LTV1: variants seen among roughly 807,000 people sequenced by gnomAD.
LTV1 encodes protein LTV1 homolog.
Under a neutral mutation model 59.9 loss-of-function variants are expected in LTV1, and 39 were observed. That is an observed-to-expected ratio of 0.65 (90% CI 0.50 to 0.85). LTV1 has a LOEUF of 0.85. LTV1 is among the 40% of genes least tolerant of loss of function. LTV1 has a pLI of 0.00. For missense variants in LTV1, 493 were observed against 549.1 expected, an observed-to-expected ratio of 0.90 and a Z score of 1.02; for synonymous variants, 171 against 189.5, an observed-to-expected ratio of 0.90 and a Z score of 0.80.
At chr6:143,861,134 T>A (rs1475392042) in intron 7 of LTV1, among the ~76,000 whole-genome samples, 28 of 152,168 alleles carry the variant, frequency 1.8e-4, no homozygotes, top group Admixed American at 1.8e-3. Context: ...TGACCTCATG[T>A]AATATGCCTG....
In LTV1 at chr6:143,863,369, C is replaced by G. The variant is rs1388164887; in HGVS notation, c.1318-48C>G. The stretch of plus-strand genomic sequence containing the variant: ...GGAATTTTGTAAAAGCAGTCTGTAT[C>G]AGTTTAAAGATGTGAATAATACAAG... On this transcript the variant is annotated intron_variant, in intron 10 of 10. Coordinates refer to ENST00000367576, the MANE Select transcript of LTV1 (RefSeq NM_032860.5). The surrounding 1 kb of genome is among the most constrained non-coding windows in gnomAD (Gnocchi z 4.5). The G allele has an allele frequency of 3.8e-6, 6 of 1,591,868 alleles. No individual in the cohort carries two copies. Among genetic ancestry groups the G allele is most frequent in the Admixed American group, 1.7e-5 (1 of 59,216 alleles).
In LTV1 at chr6:143,860,538, A is replaced by T. The variant is rs775868074; in HGVS notation, c.908A>T (p.Lys303Ile). ...RLQEVLNDYY[K>I]EKAENCVKLN... ...CAGGAAGTTTTGAATGACTACTATA[A>T]AGAGAAGGCAGAGAAGTATAGTGAC... The change falls in exon 7 of 11, where the codon AAA becomes ATA. Residue 303 changes from lysine (K) to isoleucine (I), a missense_variant. Transcript: ENST00000367576. 4.5e-5 allele frequency: 73 copies of T among 1,612,634 alleles called. No individual in the cohort carries two copies. Among genetic ancestry groups the T allele is most frequent in the South Asian group, 2.6e-4 (24 of 90,668 alleles).
intron 3 of LTV1, among the ~76,000 whole-genome samples, chr6:143,848,468 C>T (rs1776929537): frequency 6.6e-6 from 1 of 152,130 alleles, no homozygotes; most frequent in Non-Finnish European, 1.5e-5. Flanking sequence ...TGTACACTGC[C>T]ATATGTAGCC....
At chr6:143,848,594 T>G (rs1776932578) in intron 3 of LTV1, among the ~76,000 whole-genome samples, 1 of 152,142 alleles carries the variant, frequency 6.6e-6, no homozygotes, top group Non-Finnish European at 1.5e-5. Flanking sequence ...GGTGGTGAGG[T>G]GCACAGAGAT....
chr6:143,856,439 A>G (rs893454534), intron 4 of LTV1, among the ~76,000 whole-genome samples: 14 of 152,272 alleles, frequency 9.2e-5, no homozygotes, highest in East Asian at 1.9e-4. Context: ...ACTTCTGTCA[A>G]TTCATCAAAC....
chr6:143,851,303 T>G (rs150010947), intron 4 of LTV1, among the ~76,000 whole-genome samples: 1 of 152,194 alleles, frequency 6.6e-6, no homozygotes, highest in Non-Finnish European at 1.5e-5. Context: ...TCCTAAGCAG[T>G]GTGCCCAGAG....
Position 143,857,535 on chromosome 6 carries a change from A to T in LTV1, c.539+91A>T. 8.1e-7 allele frequency: 1 copy of T among 1,236,056 alleles called. No homozygotes were observed. The highest frequency in any genetic ancestry group is 1.2e-6 in the Non-Finnish European group (1 of 863,546). The allele number at this position is 1,236,056 out of a possible 1,614,324, so 76.6% of individuals were successfully genotyped here. On this transcript the variant is annotated intron_variant, in intron 5 of 10. Transcript: ENST00000367576. The surrounding 1 kb of genome is among the most constrained non-coding windows in gnomAD (Gnocchi z 5.2). ...CCATAGAACGTTACAGTTGGAAGAG[A>T]CCTTCAAGAGCATTTAATCTGAGAC...
chr6:143,843,667 G>T (rs964361896), intron 1 of LTV1, among the ~76,000 whole-genome samples, 187 bp downstream of exon 1: 3 of 152,182 alleles, frequency 2.0e-5, no homozygotes, highest in African/African-American at 7.2e-5. Flanking sequence ...GTCTCCCACC[G>T]CCGAGCCTCC....
intron 6 of LTV1, among the ~76,000 whole-genome samples, chr6:143,860,162 C>T (rs1777138769): frequency 6.6e-6 from 1 of 152,108 alleles, no homozygotes; most frequent in African/African-American, 2.4e-5. Context: ...ATTTTGTTCT[C>T]CAAGCTGAGT....
At chr6:143,860,620 G>C in intron 7 of LTV1, 67 bp downstream of exon 7, 2 of 1,406,910 alleles carry the variant, frequency 1.4e-6, no homozygotes, top group South Asian at 3.3e-5. Context: ...TCCAAAGAAA[G>C]GTCTATAGTA....
intron 2 of LTV1, 23 bp from the exon 3 acceptor site, chr6:143,846,028 T>A (rs1440849975): frequency 6.2e-7 from 1 of 1,609,556 alleles, no homozygotes; most frequent in Admixed American, 1.7e-5. Context: ...GTGAAGAAAG[T>A]ACTAATTCCA....
At chr6:143,853,290 A>T (rs1777017050) in intron 4 of LTV1, among the ~76,000 whole-genome samples, 1 of 152,152 alleles carries the variant, frequency 6.6e-6, no homozygotes, top group South Asian at 2.1e-4. Context: ...GTATATAGGA[A>T]TGCTTGTGAT....
chr6:143,856,192 A>G (rs530490427), intron 4 of LTV1, among the ~76,000 whole-genome samples: 76 of 152,244 alleles, frequency 5.0e-4, no homozygotes, highest in Middle Eastern at 6.8e-3. Context: ...TTGATCTTCA[A>G]TCGCTGATGT....
rs1777095877 is a variant in LTV1, at chr6:143,857,447, A to G, written c.539+3A>G. On this transcript the variant is annotated splice_donor_region_variant and intron_variant, in intron 5 of 10. Coordinates refer to ENST00000367576, the MANE Select transcript of LTV1 (RefSeq NM_032860.5). This position sits in a 1 kb window ranked among gnomAD's most constrained non-coding sequence, Gnocchi z 5.2. ...GAGGAAGAGGGAATGGATATACAGT[A>G]TGTGTGGTTTGTTTCAAAGCAGAGA... is the stretch of plus-strand genomic sequence containing the variant. 4.3e-6 allele frequency: 7 copies of G among 1,612,722 alleles called. No individual in the cohort carries two copies. Among genetic ancestry groups the G allele is most frequent in the Non-Finnish European group, 5.9e-6 (7 of 1,178,850 alleles).
chr6:143,845,619 C>T (rs1158507514), intron 2 of LTV1, among the ~76,000 whole-genome samples: 2 of 152,182 alleles, frequency 1.3e-5, no homozygotes, highest in African/African-American at 2.4e-5. Flanking sequence ...CTCAAGTGAT[C>T]CTCCTACCTC....
chr6:143,857,353 T>A lies in LTV1; in HGVS notation c.448T>A (p.Phe150Ile), dbSNP rs1582940923. Reference sequence around the variant, plus strand: ...CATTGTTGCAGCTCTTGATGATGATTTTGACTTTGATGATCCAGATAATCT... The same window carrying A: ...CATTGTTGCAGCTCTTGATGATGATATTGACTTTGATGATCCAGATAATCT... ...PDIVAALDDDFDFDDPDNLLE... is the reference protein window; with the variant it reads ...PDIVAALDDDIDFDDPDNLLE... Residue 150 changes from phenylalanine (F) to isoleucine (I), a missense_variant, in exon 5 of 11, where the codon TTT (phenylalanine) becomes ATT (isoleucine). Phe to Ile is a conservative substitution (Grantham distance 21, BLOSUM62 0). Coordinates refer to ENST00000367576, the MANE Select transcript of LTV1 (RefSeq NM_032860.5). The surrounding 1 kb of genome is among the most constrained non-coding windows in gnomAD (Gnocchi z 5.2). The A allele has an allele frequency of 1.2e-6, 2 of 1,614,082 alleles. No individual in the cohort carries two copies. The highest frequency in any genetic ancestry group is 4.5e-5 in the East Asian group (2 of 44,870).
At chr6:143,843,551 A>G in intron 1 of LTV1, 71 bp downstream of exon 1, 1 of 1,596,920 alleles carries the variant, frequency 6.3e-7, no homozygotes, top group East Asian at 2.3e-5. Flanking sequence ...TTCCGGTAAT[A>G]CCTTGGCTAC....
At chr6:143,853,057 C>A (rs1777013172) in intron 4 of LTV1, among the ~76,000 whole-genome samples, 1 of 151,894 alleles carries the variant, frequency 6.6e-6, no homozygotes, top group Admixed American at 6.6e-5. Context: ...TTACTTTGGG[C>A]AGTATGGCCA....
chr6:143,859,880 G>C (rs1042574666), intron 6 of LTV1, among the ~76,000 whole-genome samples: 1 of 152,158 alleles, frequency 6.6e-6, no homozygotes, highest in African/African-American at 2.4e-5. Context: ...GAAGCAGATG[G>C]ATCACTTGAG....
Sources: allele counts gnomAD v4.1 joint callset (sites outside exome capture counted in the v4.1 genomes callset), GRCh38; gene constraint gnomAD v4.1.1; non-coding constraint Gnocchi (gnomAD v3.1); transcripts MANE v1.5; gene names NCBI Gene and HGNC (gene_info 2026-07-23, HGNC 2026-07-21).